Variants in SAMD4A observed in about 807,000 individuals in gnomAD.
The protein encoded by SAMD4A is sterile alpha motif domain containing 4A.
SAMD4A carries 33 observed loss-of-function variants against 81.3 expected under a neutral mutation model. The ratio of observed to expected loss-of-function variants is 0.41; its 90% CI spans 0.31 to 0.54. The LOEUF (loss-of-function observed/expected upper bound fraction) is 0.54, where lower values mean the gene tolerates loss of function less well. SAMD4A is among the 20% of genes least tolerant of loss of function. The pLI is 0.37. For synonymous variants in SAMD4A, 389 were observed against 382.1 expected (o/e 1.02, Z -0.21); for missense variants, 854 against 951.1 (o/e 0.90, Z 1.34).
chr14:54,681,167 AC>A (rs567019550), intron 2 of SAMD4A, among the ~76,000 whole-genome samples: 8 of 144,098 alleles, frequency 5.6e-5, no homozygotes, highest in East Asian at 2.1e-4. Context: ...CTGCAGAAAG[AC>A]CCCCCCTCCA....
At chr14:54,580,623 T>C (rs944368895) in intron 2 of SAMD4A, among the ~76,000 whole-genome samples, 2 of 152,188 alleles carry the variant, frequency 1.3e-5, no homozygotes, top group Non-Finnish European at 2.9e-5. Flanking sequence ...TTAATGTGTA[T>C]GGTGGTGTGG....
At position 54,702,476 on chromosome 14, in the gene SAMD4A, A is replaced by G. The variant is rs745655348; in HGVS notation, c.611A>G (p.Asn204Ser). Residue 204 changes from asparagine to serine, a missense_variant, in exon 3 of 13, where the codon AAC becomes AGC. By Grantham distance (46) the Asn-to-Ser change is conservative. Around this residue, in one of 3 missense-constraint regions of SAMD4A, gnomAD observed 387 missense variants for 405.8 expected, o/e 0.95. Transcript: ENST00000554335. ...RDSGICINASNWQDKSMGCEN... is the reference protein window; with the variant it reads ...RDSGICINASSWQDKSMGCEN... Reference sequence around the variant, plus strand: ...TCTGGGATTTGCATCAATGCCTCCAACTGGCAGGACAAAAGCATGGGGTGT... The same window carrying G: ...TCTGGGATTTGCATCAATGCCTCCAGCTGGCAGGACAAAAGCATGGGGTGT... The G allele has an allele frequency of 1.5e-5, 24 of 1,614,060 alleles. No homozygotes were observed. Among genetic ancestry groups the G allele is most frequent in the Non-Finnish European group, 1.8e-5 (21 of 1,180,006 alleles).
chr14:54,772,551 T>C (rs888225894), intron 9 of SAMD4A, among the ~76,000 whole-genome samples: 1 of 152,220 alleles, frequency 6.6e-6, no homozygotes, highest in Non-Finnish European at 1.5e-5. Context: ...CCAGTGACTA[T>C]AAGTATCCCA....
At chr14:54,673,147 C>A (rs552883445) in intron 2 of SAMD4A, among the ~76,000 whole-genome samples, 12 of 152,230 alleles carry the variant, frequency 7.9e-5, no homozygotes, top group Admixed American at 4.6e-4. Context: ...CACTATAATC[C>A]ATGCTTGGAA....
At chr14:54,772,164 T>C (rs985316088) in intron 9 of SAMD4A, among the ~76,000 whole-genome samples, 1 of 152,228 alleles carries the variant, frequency 6.6e-6, no homozygotes, top group African/African-American at 2.4e-5. Flanking sequence ...CTGCTTGAAT[T>C]ATCACAAATC....
chr14:54,633,870 T>TTATTAGGTATTAGG (rs765449517), intron 2 of SAMD4A, among the ~76,000 whole-genome samples: 6 of 152,144 alleles, frequency 3.9e-5, no homozygotes, highest in African/African-American at 1.2e-4. Context: ...ATATCAGCTT[T>TTATTAGGTATTAGG]TATTAGGTAT....
rs138492771 is a variant in SAMD4A at position 54,763,355 on chromosome 14, A to G, written c.1511-1100A>G. Among the ~76,000 whole-genome samples, 776 of 152,132 alleles carry G rather than the reference A, an allele frequency of 5.1e-3. 7 individuals carry two copies. The highest frequency in any genetic ancestry group is 0.018 in the African/African-American group (728 of 41,508). On this transcript the variant is annotated intron_variant, in intron 7 of 12. Transcript: ENST00000554335. ...GTGAGACCCTGTCTCTCAAAAACAA[A>G]ATAATAAAATTTAAAAAGTATATAT...
At chr14:54,596,402 T>C (rs915774083) in intron 2 of SAMD4A, among the ~76,000 whole-genome samples, 18 of 151,984 alleles carry the variant, frequency 1.2e-4, no homozygotes, top group African/African-American at 3.4e-4. Context: ...CTGCCCAACA[T>C]GGTGAAACCC....
At chr14:54,775,676 C>T (rs534078953) in intron 10 of SAMD4A, among the ~76,000 whole-genome samples, 230 of 152,210 alleles carry the variant, frequency 1.5e-3, no homozygotes, top group African/African-American at 5.4e-3. Flanking sequence ...AGGCCCCACC[C>T]CTGCCCAGTG....
In SAMD4A at chr14:54,568,731, AT is replaced by A. The variant is rs1566524844; in HGVS notation, c.196+620del. Among the ~76,000 whole-genome samples, 28 of 125,914 alleles carry A rather than the reference AT, an allele frequency of 2.2e-4. 1 individual carries two copies. Among genetic ancestry groups the A allele is most frequent in the Non-Finnish European group, 2.7e-4 (16 of 59,394 alleles). 82.6% of individuals were successfully genotyped at this position (125,914 alleles called of 152,430 possible). A position where few individuals can be genotyped will look rare whatever the true frequency, so the allele number is the denominator to read the frequency against. ...TATATATATATATATATATATATAT[AT>A]ATATATATAATGCGGTTAAGCTTAC... is the stretch of plus-strand genomic sequence containing the variant. On this transcript the variant is annotated intron_variant, in intron 2 of 12. Coordinates refer to ENST00000554335, the MANE Select transcript of SAMD4A (RefSeq NM_015589.6).
chr14:54,636,118 A>G (rs2035029356), intron 2 of SAMD4A, among the ~76,000 whole-genome samples: 1 of 152,214 alleles, frequency 6.6e-6, no homozygotes, highest in Admixed American at 6.5e-5. Context: ...AGTTTTGCCA[A>G]GAGTTGTGAT....
At chr14:54,767,758 T>A (rs538616868) in intron 8 of SAMD4A, among the ~76,000 whole-genome samples, 1 of 152,258 alleles carries the variant, frequency 6.6e-6, no homozygotes, top group East Asian at 1.9e-4. Context: ...ATTTTGGGCA[T>A]CATAGCCAAT....
At chr14:54,731,242 A>G (rs2037552087) in intron 3 of SAMD4A, among the ~76,000 whole-genome samples, 1 of 152,336 alleles carries the variant, frequency 6.6e-6, no homozygotes, top group East Asian at 1.9e-4. Flanking sequence ...GTATCAAACT[A>G]TCTCCTGCAG....
upstream of SAMD4A, among the ~76,000 whole-genome samples, chr14:54,565,840 T>A (rs1178220632): frequency 6.6e-6 from 1 of 151,626 alleles, no homozygotes; most frequent in Non-Finnish European, 1.5e-5. The surrounding 1 kb of genome is among the most constrained non-coding windows in gnomAD (Gnocchi z 5.4). Context: ...TTCCCCGAAC[T>A]TCTTCGTTCC....
intron 11 of SAMD4A, among the ~76,000 whole-genome samples, chr14:54,783,229 TTCTC>T (rs1249446647): frequency 6.6e-6 from 1 of 152,112 alleles, no homozygotes; most frequent in East Asian, 1.9e-4. Flanking sequence ...TTCTTCTACT[TTCTC>T]TTTTTCTTCG....
At chr14:54,784,800 ACCATG>A (rs1237369635) in intron 12 of SAMD4A, among the ~76,000 whole-genome samples, 180 bp downstream of exon 12, 1 of 152,154 alleles carries the variant, frequency 6.6e-6, no homozygotes, top group Admixed American at 6.5e-5. Flanking sequence ...TTCCAGCGGC[ACCATG>A]CCAAGTGGCC....
intron 4 of SAMD4A, among the ~76,000 whole-genome samples, chr14:54,744,342 C>G (rs2037915644): frequency 6.6e-6 from 1 of 152,188 alleles, no homozygotes; most frequent in Non-Finnish European, 1.5e-5. Flanking sequence ...GCATTAGAGA[C>G]AAGCACTCCC....
chr14:54,601,470 TCTC>T (rs2034050614), intron 2 of SAMD4A, among the ~76,000 whole-genome samples: 1 of 152,182 alleles, frequency 6.6e-6, no homozygotes, highest in African/African-American at 2.4e-5. Context: ...CTTCTGAACT[TCTC>T]CTTTGTCCTT....
At chr14:54,692,486 T>C (rs7157453) in intron 2 of SAMD4A, among the ~76,000 whole-genome samples, 60,534 of 152,066 alleles carry the variant, frequency 0.4, 12,812 homozygotes, top group Non-Finnish European at 0.46. Flanking sequence ...CTTTTGGGAC[T>C]CTCATGTCTA....
Sources: gnomAD v4.1 joint callset for allele counts (sites outside exome capture counted in the v4.1 genomes callset) on GRCh38, gnomAD v4.1.1 for gene constraint, gnomAD v4.1.1 regional missense constraint, Gnocchi (gnomAD v3.1) non-coding constraint, MANE v1.5 for transcripts, NCBI Gene and HGNC (gene_info 2026-07-23, HGNC 2026-07-21) for gene names.